Variants in BRAF observed in about 807,000 individuals in gnomAD.
BRAF encodes serine/threonine-protein kinase B-raf.
BRAF carries 16 observed loss-of-function variants against 104.6 expected under a neutral mutation model. That is an observed-to-expected ratio of 0.15 (90% CI 0.10 to 0.23). The LOEUF is 0.23. BRAF is among the 10% of genes least tolerant of loss of function. BRAF has a pLI of 1.00. For missense variants in BRAF, 541 were observed against 937.3 expected (o/e 0.58, Z 5.52); for synonymous variants, 310 against 341.6 (o/e 0.91, Z 1.02).
rs553619381 is a variant in BRAF at position 140,719,809 on chromosome 7, C to T, written c.*6685G>A. Reference sequence around the variant, plus strand: ...GACAATTAAAAAGTCCCCATCTTTTCACTGGGCACGCCCCAGACTCCACGA... The same window carrying T: ...GACAATTAAAAAGTCCCCATCTTTTTACTGGGCACGCCCCAGACTCCACGA... On this transcript the variant is annotated 3_prime_UTR_variant, in exon 20 of 20. Transcript: ENST00000644969. 4 of 1,062,952 alleles carry T rather than the reference C, an allele frequency of 3.8e-6. No individual in the cohort carries two copies. Among genetic ancestry groups the T allele is most frequent in the Admixed American group, 1.1e-4 (2 of 18,654 alleles). 65.8% of individuals were successfully genotyped at this position (1,062,952 alleles called of 1,614,324 possible).
intron 17 of BRAF, among the ~76,000 whole-genome samples, chr7:140,742,085 T>G (rs1796970817): frequency 6.6e-6 from 1 of 152,232 alleles, no homozygotes; most frequent in African/African-American, 2.4e-5. Flanking sequence ...AACTTTTTGC[T>G]AGTTGATCAG....
chr7:140,743,612 T>C (rs926628631), intron 17 of BRAF, among the ~76,000 whole-genome samples: 2 of 151,826 alleles, frequency 1.3e-5, no homozygotes, highest in African/African-American at 4.8e-5. Context: ...TTAGGAGATA[T>C]ACCTAATGCT....
chr7:140,881,492 T>G (rs575173535), intron 1 of BRAF, among the ~76,000 whole-genome samples: 35 of 152,200 alleles, frequency 2.3e-4, no homozygotes, highest in Non-Finnish European at 4.6e-4. Context: ...TAGCCTCAAG[T>G]GATCCTCCCA....
At chr7:140,871,148 G>A (rs891730378) in intron 1 of BRAF, among the ~76,000 whole-genome samples, 3 of 145,654 alleles carry the variant, frequency 2.1e-5, no homozygotes, top group Admixed American at 1.4e-4. Flanking sequence ...AGGGTGACGC[G>A]GGAGAATGGC....
chr7:140,840,028 C>T (rs1458164239), intron 2 of BRAF, among the ~76,000 whole-genome samples: 2 of 152,166 alleles, frequency 1.3e-5, no homozygotes, highest in Non-Finnish European at 2.9e-5. Flanking sequence ...TTTCTGCCCC[C>T]GTGTAGGCAC....
intron 3 of BRAF, among the ~76,000 whole-genome samples, chr7:140,833,680 A>T (rs1211861342): frequency 6.6e-6 from 1 of 152,212 alleles, no homozygotes; most frequent in Admixed American, 6.5e-5. Context: ...CTGTACATGG[A>T]AAAAGGGCAG....
intron 5 of BRAF, among the ~76,000 whole-genome samples, 193 bp downstream of exon 5, chr7:140,807,767 T>C (rs920014652): frequency 1.3e-5 from 2 of 152,118 alleles, no homozygotes; most frequent in African/African-American, 4.8e-5. Flanking sequence ...TTTTTTAAAT[T>C]AAAAAGAAAG....
At chr7:140,769,333 C>A (rs918899568) in intron 14 of BRAF, among the ~76,000 whole-genome samples, 1 of 152,194 alleles carries the variant, frequency 6.6e-6, no homozygotes, top group East Asian at 1.9e-4. Flanking sequence ...CTGCCTTGGC[C>A]TTCCAAGGTG....
intron 4 of BRAF, 67 bp downstream of exon 4, chr7:140,808,824 AG>A: frequency 7.6e-7 from 1 of 1,320,168 alleles, no homozygotes; most frequent in South Asian, 1.2e-5. Context: ...AAAGATCCTA[AG>A]AAAACTTCAA....
At chr7:140,797,434 T>C (rs1242492212) in intron 7 of BRAF, among the ~76,000 whole-genome samples, 1 of 152,092 alleles carries the variant, frequency 6.6e-6, no homozygotes, top group East Asian at 1.9e-4. Context: ...ACCATTATTA[T>C]TGTTATCAGG....
At chr7:140,829,657 T>C (rs1806493132) in intron 3 of BRAF, among the ~76,000 whole-genome samples, 2 of 152,212 alleles carry the variant, frequency 1.3e-5, no homozygotes, top group Non-Finnish European at 2.9e-5. Context: ...CACTGCCTTC[T>C]AGCCCTCAGT....
chr7:140,815,432 ATTTTT>A (rs11445161), intron 3 of BRAF, among the ~76,000 whole-genome samples: 1 of 111,882 alleles, frequency 8.9e-6, no homozygotes, highest in Admixed American at 9.0e-5. Flanking sequence ...GGTGTGAGCC[ATTTTT>A]TTTTTTTTTT....
At chr7:140,801,837 T>G (rs1328131989) in intron 5 of BRAF, among the ~76,000 whole-genome samples, 1 of 151,898 alleles carries the variant, frequency 6.6e-6, no homozygotes, top group Non-Finnish European at 1.5e-5. Flanking sequence ...CTTGACAACA[T>G]AAAAGTAAAA....
At chr7:140,841,667 T>C (rs1287635143) in intron 2 of BRAF, among the ~76,000 whole-genome samples, 1 of 152,232 alleles carries the variant, frequency 6.6e-6, no homozygotes, top group Non-Finnish European at 1.5e-5. Flanking sequence ...TCTATTTATA[T>C]GAAATATTTC....
At chr7:140,913,264 C>T (rs984340204) in intron 1 of BRAF, among the ~76,000 whole-genome samples, 4 of 151,914 alleles carry the variant, frequency 2.6e-5, no homozygotes, top group African/African-American at 9.7e-5. Context: ...ACACACACAC[C>T]CCTCCACTGG....
intron 3 of BRAF, among the ~76,000 whole-genome samples, chr7:140,831,884 C>T (rs1274210347): frequency 6.6e-6 from 1 of 152,216 alleles, no homozygotes; most frequent in Non-Finnish European, 1.5e-5. Flanking sequence ...ACTCTGACGA[C>T]TACCCAAGAG....
At chr7:140,889,896 T>C (rs1407878010) in intron 1 of BRAF, among the ~76,000 whole-genome samples, 1 of 152,226 alleles carries the variant, frequency 6.6e-6, no homozygotes, top group African/African-American at 2.4e-5. Context: ...GTTAACAGCA[T>C]GGACTCTAGT....
intron 11 of BRAF, among the ~76,000 whole-genome samples, 157 bp downstream of exon 10, chr7:140,782,864 T>G (rs554451412): frequency 6.6e-6 from 1 of 152,324 alleles, no homozygotes; most frequent in East Asian, 1.9e-4. Flanking sequence ...GCCGTAGAAA[T>G]ATGCTTTAAG....
intron 2 of BRAF, among the ~76,000 whole-genome samples, chr7:140,849,620 G>T (rs1038856607): frequency 6.6e-6 from 1 of 151,726 alleles, no homozygotes; most frequent in Non-Finnish European, 1.5e-5. Flanking sequence ...AGACCAGCCT[G>T]GCCAATATGG....
Sources: allele counts gnomAD v4.1 joint callset (sites outside exome capture counted in the v4.1 genomes callset), GRCh38; gene constraint gnomAD v4.1.1; transcripts MANE v1.5; gene names NCBI Gene and HGNC (gene_info 2026-07-23, HGNC 2026-07-21).